RICTOR: variants seen among roughly 807,000 people sequenced by gnomAD.
RICTOR encodes rapamycin-insensitive companion of mTOR.
Under a neutral mutation model 214.9 loss-of-function variants are expected in RICTOR, and 49 were observed. The observed-to-expected ratio is 0.23, with a 90% CI of 0.18 to 0.29. The LOEUF is 0.29. Among genes scored for constraint, RICTOR ranks in the 10% least tolerant of loss-of-function variants. RICTOR has a pLI of 1.00. For missense variants in RICTOR, 1,625 were observed against 2,047.0 expected, an observed-to-expected ratio of 0.79 and a Z score of 3.98; for synonymous variants, 717 against 711.3, an observed-to-expected ratio of 1.01 and a Z score of -0.13.
intron 32 of RICTOR, 86 bp from the exon 33 acceptor site, chr5:38,946,638 T>G: frequency 2.5e-6 from 2 of 799,594 alleles, no homozygotes; most frequent in Non-Finnish European, 4.3e-6. Flanking sequence ...AAAATAAAAT[T>G]AAAATAGAAT....
At chr5:39,010,379 T>C (rs1184582185) in intron 3 of RICTOR, among the ~76,000 whole-genome samples, 1 of 152,198 alleles carries the variant, frequency 6.6e-6, no homozygotes, top group Non-Finnish European at 1.5e-5. Flanking sequence ...GGCAGTTCTT[T>C]ATAGCACTGT....
intron 2 of RICTOR, among the ~76,000 whole-genome samples, chr5:39,063,696 G>A (rs1009135961): frequency 2.0e-5 from 3 of 152,050 alleles, no homozygotes; most frequent in Non-Finnish European, 4.4e-5. Flanking sequence ...CCTGAAGGAA[G>A]ATGTATGCCT....
At chr5:39,071,547 A>C (rs1759323654) in intron 2 of RICTOR, among the ~76,000 whole-genome samples, 1 of 152,222 alleles carries the variant, frequency 6.6e-6, no homozygotes, top group African/African-American at 2.4e-5. Flanking sequence ...TTTACTTTTC[A>C]CATTCTTAAC....
Position 38,996,805 on chromosome 5 carries a change from CACAT to C in RICTOR, c.456+10_456+13del. On this transcript the variant is annotated intron_variant, in intron 6 of 37. Transcript: ENST00000357387. The stretch of plus-strand genomic sequence containing the variant: ...ACCATAAATTTGCCTTTTACTCTCA[CACAT>C]AGAGCATACCTTTCTGACTAATCGA... 6.3e-7 allele frequency: 1 copy of C among 1,583,520 alleles called. No homozygotes were observed. Among genetic ancestry groups the C allele is most frequent in the Non-Finnish European group, 8.7e-7 (1 of 1,154,012 alleles).
At chr5:38,967,273 T>C in intron 13 of RICTOR, 46 bp from the exon 14 acceptor site, 1 of 1,595,716 alleles carries the variant, frequency 6.3e-7, no homozygotes. Flanking sequence ...TTTCATAGAT[T>C]ACACAGTCTA....
At chr5:38,965,005 T>TA in intron 15 of RICTOR, 113 bp from the exon 16 acceptor site, 2 of 545,412 alleles carry the variant, frequency 3.7e-6, no homozygotes, top group South Asian at 3.2e-5. Context: ...TCTGAGGTTT[T>TA]ACTCATAAAA....
At chr5:39,064,059 T>C (rs759008360) in intron 2 of RICTOR, among the ~76,000 whole-genome samples, 1 of 152,198 alleles carries the variant, frequency 6.6e-6, no homozygotes, top group Non-Finnish European at 1.5e-5. Flanking sequence ...ATACGAAGAA[T>C]ATACTTATAT....
At chr5:38,972,851 CA>C (rs1272386241) in intron 10 of RICTOR, among the ~76,000 whole-genome samples, 1 of 127,286 alleles carries the variant, frequency 7.9e-6, no homozygotes, top group East Asian at 2.3e-4. Context: ...TTTGAATAGT[CA>C]AATCTAGTAA....
intron 3 of RICTOR, among the ~76,000 whole-genome samples, chr5:39,006,378 CT>C (rs1754053181): frequency 6.6e-6 from 1 of 152,048 alleles, no homozygotes; most frequent in African/African-American, 2.4e-5. Flanking sequence ...TGACTTTTAC[CT>C]AAAAGTTACA....
At chr5:39,060,902 A>G (rs1393694257) in intron 2 of RICTOR, among the ~76,000 whole-genome samples, 2 of 151,964 alleles carry the variant, frequency 1.3e-5, no homozygotes, top group South Asian at 2.1e-4. Flanking sequence ...TCTCTCTCTC[A>G]TAATACCTAT....
chr5:38,942,116 G>C lies in RICTOR; in HGVS notation c.*188C>G. On this transcript the variant is annotated 3_prime_UTR_variant, in exon 38 of 38. Transcript: ENST00000357387. ...GAACCCCTCAAAAGGCTCAACAAAG[G>C]AGAGAAGGAAGTTGTTTTGGTTAGG... 4.8e-6 allele frequency: 2 copies of C among 412,516 alleles called. No individual in the cohort carries two copies. Among genetic ancestry groups the C allele is most frequent in the Non-Finnish European group, 8.9e-6 (2 of 225,684 alleles). 25.6% of individuals were successfully genotyped at this position (412,516 alleles called of 1,614,324 possible).
intron 26 of RICTOR, 92 bp downstream of exon 26, chr5:38,955,503 A>G (rs764781222): frequency 8.2e-6 from 6 of 733,626 alleles, no homozygotes; most frequent in African/African-American, 3.5e-5. Flanking sequence ...GATTCTTCCT[A>G]TATCATGTTA....
At chr5:38,966,154 A>G (rs74325952) in intron 15 of RICTOR, among the ~76,000 whole-genome samples, 2,144 of 152,336 alleles carry the variant, frequency 0.014, 56 homozygotes, top group African/African-American at 0.048. Context: ...CTGAACCTCA[A>G]ACTACAAGTT....
intron 7 of RICTOR, among the ~76,000 whole-genome samples, chr5:38,985,450 T>C (rs1471501368): frequency 1.3e-5 from 2 of 152,224 alleles, no homozygotes; most frequent in African/African-American, 4.8e-5. Flanking sequence ...TGTTTTCCTA[T>C]TGGTTTGTAT....
chr5:38,985,224 C>A (rs1306020111), intron 7 of RICTOR, among the ~76,000 whole-genome samples: 1 of 152,102 alleles, frequency 6.6e-6, no homozygotes, highest in Non-Finnish European at 1.5e-5. Context: ...ATGCTCAAGT[C>A]CTTTATATAA....
At chr5:38,992,120 A>G (rs1295405335) in intron 6 of RICTOR, among the ~76,000 whole-genome samples, 1 of 152,178 alleles carries the variant, frequency 6.6e-6, no homozygotes, top group East Asian at 1.9e-4. Flanking sequence ...TTTTTAAGAC[A>G]TATTACAAAG....
intron 3 of RICTOR, among the ~76,000 whole-genome samples, chr5:39,009,511 T>A (rs1005754655): frequency 2.6e-5 from 4 of 151,970 alleles, no homozygotes; most frequent in Non-Finnish European, 4.4e-5. Context: ...CATAAATAAC[T>A]AAAAAGAACA....
intron 2 of RICTOR, among the ~76,000 whole-genome samples, chr5:39,057,022 T>A (rs947827305): frequency 1.8e-4 from 27 of 152,194 alleles, no homozygotes; most frequent in Non-Finnish European, 3.7e-4. Context: ...CCTTCCAGTA[T>A]GTAATACAGT....
At chr5:38,962,269 C>T in intron 19 of RICTOR, 46 bp downstream of exon 19, 1 of 879,848 alleles carries the variant, frequency 1.1e-6, no homozygotes, top group South Asian at 1.6e-5. Context: ...GCCTAATATC[C>T]ATATTTAAGT....
Sources: gnomAD v4.1 joint callset for allele counts (sites outside exome capture counted in the v4.1 genomes callset) on GRCh38, gnomAD v4.1.1 for gene constraint, MANE v1.5 for transcripts, NCBI Gene and HGNC (gene_info 2026-07-23, HGNC 2026-07-21) for gene names.